Variants in EBF1 observed in about 807,000 individuals in gnomAD.
The protein encoded by EBF1 is transcription factor COE1.
A neutral mutation model predicts 68.4 loss-of-function variants in EBF1; 10 were observed. The observed-to-expected ratio is 0.15, with a 90% CI of 0.09 to 0.25. The LOEUF (loss-of-function observed/expected upper bound fraction) is 0.25, where lower values mean the gene tolerates loss of function less well. EBF1 is among the 10% of genes least tolerant of loss of function. The pLI is 1.00. For synonymous variants in EBF1, 298 were observed against 299.8 expected (o/e 0.99, Z 0.06); for missense variants, 509 against 794.4 (o/e 0.64, Z 4.32).
chr5:158,999,214 T>C (rs1193646355), intron 6 of EBF1, among the ~76,000 whole-genome samples: 1 of 152,198 alleles, frequency 6.6e-6, no homozygotes, highest in Non-Finnish European at 1.5e-5. Context: ...GAGTGTATAA[T>C]GCCCCAAAAA....
chr5:158,717,644 T>A lies in EBF1; in HGVS notation c.1126-3462A>T, dbSNP rs565223023. Among the ~76,000 whole-genome samples, 724 of 151,338 alleles carry A rather than the reference T, an allele frequency of 4.8e-3. 2 individuals carry two copies. Among genetic ancestry groups the A allele is most frequent in the African/African-American group, 0.013 (517 of 40,972 alleles). On this transcript the variant is annotated intron_variant, in intron 11 of 15. Coordinates refer to ENST00000313708, the MANE Select transcript of EBF1 (RefSeq NM_024007.5). ...ATCCTATCCTTGGATTTTTTTTTTT[T>A]AAAAATCCCTTTTGGGAATTAAAGA...
chr5:158,865,199 C>G (rs1023795932), intron 6 of EBF1, among the ~76,000 whole-genome samples: 1 of 152,150 alleles, frequency 6.6e-6, no homozygotes. Flanking sequence ...TCCTGTTCAC[C>G]CTTTTCCAAA....
chr5:158,765,971 A>G (rs1038250617), intron 10 of EBF1, among the ~76,000 whole-genome samples: 2 of 152,214 alleles, frequency 1.3e-5, no homozygotes, highest in Non-Finnish European at 2.9e-5. Context: ...GCCCTCCAAA[A>G]AAAGTTATCT....
intron 10 of EBF1, among the ~76,000 whole-genome samples, chr5:158,760,287 T>C (rs1771121354): frequency 6.6e-6 from 1 of 152,174 alleles, no homozygotes; most frequent in African/African-American, 2.4e-5. Context: ...AAAGCCAACA[T>C]TTTCCATGGC....
At chr5:158,908,547 G>T (rs1013048894) in intron 6 of EBF1, among the ~76,000 whole-genome samples, 1 of 152,110 alleles carries the variant, frequency 6.6e-6, no homozygotes, top group Non-Finnish European at 1.5e-5. Context: ...AACCACTCTA[G>T]GTTTTAGAAT....
chr5:158,842,142 A>G (rs926021108), intron 6 of EBF1, among the ~76,000 whole-genome samples: 1 of 152,224 alleles, frequency 6.6e-6, no homozygotes, highest in Non-Finnish European at 1.5e-5. Flanking sequence ...CCCACTTTCA[A>G]TATGACAGAT....
chr5:158,869,503 C>T (rs1796494711), intron 6 of EBF1, among the ~76,000 whole-genome samples: 2 of 152,072 alleles, frequency 1.3e-5, no homozygotes, highest in South Asian at 2.1e-4. Context: ...CTCCTATTTC[C>T]TCTTCTCCAA....
intron 6 of EBF1, among the ~76,000 whole-genome samples, chr5:158,965,035 G>A (rs999571639): frequency 3.9e-5 from 6 of 152,166 alleles, no homozygotes; most frequent in South Asian, 4.1e-4. Flanking sequence ...TAGAGATATC[G>A]TGTTGTTTGT....
intron 6 of EBF1, among the ~76,000 whole-genome samples, chr5:158,883,396 ATG>A: frequency 6.8e-6 from 1 of 146,026 alleles, no homozygotes; most frequent in Non-Finnish European, 1.5e-5. Flanking sequence ...ACATACATAC[ATG>A]TGTGTATATA....
At chr5:158,889,567 T>C (rs925636377) in intron 6 of EBF1, among the ~76,000 whole-genome samples, 28 of 152,208 alleles carry the variant, frequency 1.8e-4, no homozygotes, top group African/African-American at 6.8e-4. Context: ...GCTACGAGAA[T>C]GGGATTCTAG....
chr5:158,824,346 T>C lies in EBF1; in HGVS notation c.637-1029A>G, dbSNP rs377328942. Among the ~76,000 whole-genome samples, 336 of 152,314 alleles carry C rather than the reference T, an allele frequency of 2.2e-3. 4 individuals are homozygous for C. The highest frequency in any genetic ancestry group is 7.9e-3 in the African/African-American group (329 of 41,586). On this transcript the variant is annotated intron_variant, in intron 7 of 15. Coordinates refer to ENST00000313708, the MANE Select transcript of EBF1 (RefSeq NM_024007.5). ...TGTCAGCCGCAAGCACCCTGCAGCA[T>C]AGGGGAAACCTCAGGCTCTTTGATT...
intron 11 of EBF1, among the ~76,000 whole-genome samples, chr5:158,726,295 G>A (rs1762971617): frequency 6.6e-6 from 1 of 152,138 alleles, no homozygotes; most frequent in African/African-American, 2.4e-5. Flanking sequence ...AGGCTCTGAA[G>A]TCAATTCTGT....
chr5:158,857,921 T>C (rs543983423), intron 6 of EBF1, among the ~76,000 whole-genome samples: 8 of 152,210 alleles, frequency 5.3e-5, no homozygotes, highest in Non-Finnish European at 1.2e-4. Context: ...ATTCAATCTC[T>C]CTGCCTCTGT....
chr5:158,898,541 C>G (rs565372522), intron 6 of EBF1, among the ~76,000 whole-genome samples: 2 of 152,152 alleles, frequency 1.3e-5, no homozygotes, highest in Non-Finnish European at 1.5e-5. Flanking sequence ...TACCCAGTAC[C>G]AGAGGTTTTT....
intron 5 of EBF1, among the ~76,000 whole-genome samples, chr5:159,075,901 G>A (rs1043568746): frequency 6.6e-6 from 1 of 152,002 alleles, no homozygotes; most frequent in Non-Finnish European, 1.5e-5. Context: ...GCCGACTCTT[G>A]CCTGGCGGGC....
chr5:158,838,989 A>T (rs1789533261), intron 7 of EBF1, among the ~76,000 whole-genome samples: 1 of 152,198 alleles, frequency 6.6e-6, no homozygotes, highest in South Asian at 2.1e-4. Flanking sequence ...GGAATGCAGA[A>T]TTCCAGTCCC....
At chr5:158,912,027 G>A (rs182558893) in intron 6 of EBF1, among the ~76,000 whole-genome samples, 2 of 152,272 alleles carry the variant, frequency 1.3e-5, no homozygotes, top group African/African-American at 2.4e-5. Context: ...TAGTGGGTGA[G>A]TAATGACAGT....
chr5:158,951,087 T>G (rs1815862377), intron 6 of EBF1, among the ~76,000 whole-genome samples: 1 of 152,222 alleles, frequency 6.6e-6, no homozygotes, highest in Non-Finnish European at 1.5e-5. Context: ...GAACGCATGG[T>G]TTGCCACTTT....
chr5:158,857,600 A>G (rs1023394959), intron 6 of EBF1, among the ~76,000 whole-genome samples: 1 of 152,204 alleles, frequency 6.6e-6, no homozygotes, highest in African/African-American at 2.4e-5. Context: ...AGCAAAAAAA[A>G]AGTAAGTGTA....
Sources: gnomAD v4.1 joint callset for allele counts (sites outside exome capture counted in the v4.1 genomes callset) on GRCh38, gnomAD v4.1.1 for gene constraint, MANE v1.5 for transcripts, NCBI Gene and HGNC (gene_info 2026-07-23, HGNC 2026-07-21) for gene names.